Variants in RSU1 observed in about 807,000 individuals in gnomAD.
RSU1 encodes rsu-1.
A neutral mutation model predicts 31.1 loss-of-function variants in RSU1; 26 were observed. That is an observed-to-expected ratio of 0.84 (90% CI 0.61 to 1.16). The LOEUF (loss-of-function observed/expected upper bound fraction) is 1.16. Ranked by LOEUF, RSU1 falls within the 50% of genes most tolerant of loss-of-function variation. RSU1 has a pLI of 0.00. For missense variants in RSU1, 320 were observed against 339.1 expected (o/e 0.94, Z 0.44); for synonymous variants, 164 against 136.3 (o/e 1.20, Z -1.41).
intron 1 of RSU1, 115 bp from the exon 2 acceptor site, chr10:16,817,199 C>A (rs1838558911): frequency 4.8e-6 from 3 of 627,788 alleles, no homozygotes; most frequent in Non-Finnish European, 5.6e-6. Context: ...GGTGGGCGTC[C>A]GAGGGCGTCC....
chr10:16,785,439 T>TATATACATATATATATAC (rs753904677), intron 2 of RSU1, among the ~76,000 whole-genome samples: 6,936 of 128,252 alleles, frequency 0.054, 381 homozygotes, highest in East Asian at 0.13. Flanking sequence ...TATATATATA[T>TATATACATATATATATAC]ACACATATAT....
intron 2 of RSU1, among the ~76,000 whole-genome samples, chr10:16,805,468 G>A (rs1411972883): frequency 6.6e-6 from 1 of 151,800 alleles, no homozygotes; most frequent in Non-Finnish European, 1.5e-5. Flanking sequence ...TGAGGAGATC[G>A]AGACCATCCT....
chr10:16,718,372 G>A (rs1836187167), intron 7 of RSU1, among the ~76,000 whole-genome samples: 1 of 152,016 alleles, frequency 6.6e-6, no homozygotes, highest in Non-Finnish European at 1.5e-5. Flanking sequence ...ACAACCTTAG[G>A]CAGTAAATAA....
chr10:16,724,352 T>A (rs1588494986), intron 7 of RSU1, among the ~76,000 whole-genome samples: 3 of 152,336 alleles, frequency 2.0e-5, no homozygotes, highest in South Asian at 4.1e-4. Flanking sequence ...GTTTCATAAA[T>A]AAATGGTTAT....
intron 7 of RSU1, among the ~76,000 whole-genome samples, chr10:16,710,411 T>C (rs1835992556): frequency 6.6e-6 from 1 of 152,200 alleles, no homozygotes; most frequent in Non-Finnish European, 1.5e-5. Context: ...TTTGTTAATA[T>C]CTTATTAAGA....
At chr10:16,710,013 T>G (rs1206054144) in intron 7 of RSU1, among the ~76,000 whole-genome samples, 1 of 152,186 alleles carries the variant, frequency 6.6e-6, no homozygotes, top group Non-Finnish European at 1.5e-5. Context: ...CTTTTATATC[T>G]TTCTCTTCCC....
Position 16,782,067 on chromosome 10 carries a change from T to C in RSU1, c.127A>G (p.Thr43Ala), listed in dbSNP as rs1435351878. Reference sequence around the variant, plus strand: ...TTGTTATGGCTGAGGACCAGTTGTGTGATATGGGATAAGGTAACTAAAAAG... The same window carrying C: ...TTGTTATGGCTGAGGACCAGTTGTGCGATATGGGATAAGGTAACTAAAAAG... ...VNGLFTLSHI[T>A]QLVLSHNKLT... is the part of the protein sequence containing the mutation. The change falls in exon 3 of 9, where the codon ACA becomes GCA. Residue 43 changes from threonine (T) to alanine (A), a missense_variant. By Grantham distance (58) the Thr-to-Ala change is moderately conservative (BLOSUM62 0). Coordinates refer to ENST00000345264, the MANE Select transcript of RSU1 (RefSeq NM_012425.4). The C allele has an allele frequency of 6.2e-7, 1 of 1,612,248 alleles. No homozygotes were observed. Among genetic ancestry groups the C allele is most frequent in the East Asian group, 2.2e-5 (1 of 44,840 alleles).
intron 2 of RSU1, among the ~76,000 whole-genome samples, chr10:16,812,745 A>G (rs2131280831): frequency 6.6e-6 from 1 of 152,208 alleles, no homozygotes; most frequent in South Asian, 2.1e-4. Flanking sequence ...CCACCCAGAG[A>G]GGGCAATACA....
At chr10:16,706,560 T>A (rs1014838235) in intron 7 of RSU1, among the ~76,000 whole-genome samples, 1 of 152,206 alleles carries the variant, frequency 6.6e-6, no homozygotes, top group African/African-American at 2.4e-5. Context: ...GTGGTCTTTT[T>A]AGAAAAAATA....
At chr10:16,747,628 A>G (rs1836881184) in intron 7 of RSU1, among the ~76,000 whole-genome samples, 1 of 151,786 alleles carries the variant, frequency 6.6e-6, no homozygotes, top group African/African-American at 2.4e-5. Context: ...GCCAGCATCT[A>G]CTCCCACCAG....
chr10:16,728,630 A>G (rs1836443728), intron 7 of RSU1, among the ~76,000 whole-genome samples: 1 of 152,218 alleles, frequency 6.6e-6, no homozygotes, highest in Admixed American at 6.5e-5. Flanking sequence ...ACCTGCGCAT[A>G]TCAGCTCATG....
chr10:16,655,296 A>G (rs1001582730), intron 8 of RSU1, among the ~76,000 whole-genome samples: 1 of 152,196 alleles, frequency 6.6e-6, no homozygotes, highest in Non-Finnish European at 1.5e-5. Flanking sequence ...TTTGACAACA[A>G]TTAAATAAAG....
intron 8 of RSU1, among the ~76,000 whole-genome samples, chr10:16,645,161 G>C (rs570979469): frequency 2.6e-5 from 4 of 152,312 alleles, no homozygotes; most frequent in African/African-American, 9.6e-5. Context: ...TATCATGTCA[G>C]AGTTGCAAAT....
At chr10:16,738,783 C>T (rs1163313493) in intron 7 of RSU1, among the ~76,000 whole-genome samples, 1 of 152,138 alleles carries the variant, frequency 6.6e-6, no homozygotes, top group Non-Finnish European at 1.5e-5. Flanking sequence ...TGGTGGTTTG[C>T]TGCACCTATC....
intron 8 of RSU1, among the ~76,000 whole-genome samples, chr10:16,678,170 C>T (rs960112343): frequency 1.3e-5 from 2 of 152,146 alleles, no homozygotes; most frequent in African/African-American, 4.8e-5. Flanking sequence ...CCTAACAAAA[C>T]AAAACAAACC....
intron 8 of RSU1, among the ~76,000 whole-genome samples, chr10:16,615,746 T>C (rs1833964714): frequency 6.6e-6 from 1 of 152,170 alleles, no homozygotes; most frequent in South Asian, 2.1e-4. Flanking sequence ...CACAACTACA[T>C]GGAAACTGAA....
Position 16,661,293 on chromosome 10 carries a change from T to C in RSU1, c.731+33730A>G, listed in dbSNP as rs1000992111. Among the ~76,000 whole-genome samples, 104 of 117,294 alleles carry C rather than the reference T, an allele frequency of 8.9e-4. 1 individual carries two copies. Among genetic ancestry groups the C allele is most frequent in the African/African-American group, 3.8e-3 (81 of 21,258 alleles). 76.9% of individuals were successfully genotyped at this position (117,294 alleles called of 152,430 possible). A position where few individuals can be genotyped will look rare whatever the true frequency, so the allele number is the denominator to read the frequency against. ...GTGTGATATGTAGAGAGTGCGTGTG[T>C]GTGTGTGTGTGTGTGTGTGTGTGTG... On this transcript the variant is annotated intron_variant, in intron 8 of 8. Coordinates refer to ENST00000345264, the MANE Select transcript of RSU1 (RefSeq NM_012425.4).
At chr10:16,715,472 A>C (rs1260314205) in intron 7 of RSU1, among the ~76,000 whole-genome samples, 1 of 152,110 alleles carries the variant, frequency 6.6e-6, no homozygotes, top group East Asian at 1.9e-4. Context: ...TTTTGAGTTA[A>C]TTCTTCTATA....
chr10:16,592,759 C>G lies in RSU1; in HGVS notation c.*635G>C, dbSNP rs190257936. ...ACAAATTAATGTGAGAAGAAACGAA[C>G]TGTGATTTAATTTTGCATTTCTTTC... is the stretch of plus-strand genomic sequence containing the variant. On this transcript the variant is annotated 3_prime_UTR_variant, in exon 9 of 9. Coordinates refer to ENST00000345264, the MANE Select transcript of RSU1 (RefSeq NM_012425.4). The G allele has an allele frequency of 8.7e-4, 133 of 152,094 alleles. No homozygotes were observed. The highest frequency in any genetic ancestry group is 3.1e-3 in the African/African-American group (127 of 41,470). The allele number at this position is 152,094 out of a possible 1,614,324, so 9.4% of individuals were successfully genotyped here. A position where few individuals can be genotyped will look rare whatever the true frequency, so the allele number is the denominator to read the frequency against.
Sources: allele counts gnomAD v4.1 joint callset (sites outside exome capture counted in the v4.1 genomes callset), GRCh38; gene constraint gnomAD v4.1.1; transcripts MANE v1.5; gene names NCBI Gene and HGNC (gene_info 2026-07-23, HGNC 2026-07-21).